ST6GALNAC3: variants seen among roughly 807,000 people sequenced by gnomAD.
ST6GALNAC3 encodes the protein alpha-N-acetylgalactosaminide alpha-2,6-sialyltransferase 3.
Under a neutral mutation model 32.7 loss-of-function variants are expected in ST6GALNAC3, and 25 were observed. The ratio of observed to expected loss-of-function variants is 0.76; its 90% CI spans 0.56 to 1.07. ST6GALNAC3 has a LOEUF of 1.07. Among genes scored for constraint, ST6GALNAC3 ranks in the 50% least tolerant of loss-of-function variants. The probability of loss-of-function intolerance (pLI) is 0.00; values close to 1 mark genes in which losing one functional copy is unlikely to be tolerated. For missense variants in ST6GALNAC3, 355 were observed against 382.4 expected (o/e 0.93, Z 0.60); for synonymous variants, 129 against 133.1 (o/e 0.97, Z 0.21).
rs563389196 is a variant in ST6GALNAC3, at chr1:76,213,532, G to A, written c.19-100273G>A. 4.6e-5 allele frequency among the ~76,000 whole-genome samples: 7 copies of A among 152,288 alleles called. No individual in the cohort carries two copies. The South Asian group carries it at 1.2e-3, about 27-fold the overall frequency. On this transcript the variant is annotated intron_variant, in intron 1 of 4. Transcript: ENST00000328299. ...CATTATGCTGAAAAATATTTGACCTGAAAGCAACAAATACTGCAATCAAAG... is the reference window on the plus strand; with the variant it reads ...CATTATGCTGAAAAATATTTGACCTAAAAGCAACAAATACTGCAATCAAAG...
At chr1:76,423,849 G>A (rs978530947) in intron 3 of ST6GALNAC3, among the ~76,000 whole-genome samples, 2 of 151,870 alleles carry the variant, frequency 1.3e-5, no homozygotes, top group African/African-American at 4.8e-5. Flanking sequence ...GAGAGAAGGG[G>A]ATATAGTTGG....
chr1:76,369,013 T>C (rs1650606443), intron 2 of ST6GALNAC3, among the ~76,000 whole-genome samples: 1 of 152,184 alleles, frequency 6.6e-6, no homozygotes, highest in African/African-American at 2.4e-5. Context: ...ATGCTGTCTA[T>C]GCTCCAATGC....
chr1:76,178,419 G>C (rs1170265170), intron 1 of ST6GALNAC3, among the ~76,000 whole-genome samples: 1 of 152,196 alleles, frequency 6.6e-6, no homozygotes, highest in Non-Finnish European at 1.5e-5. Flanking sequence ...ATGGTACAGA[G>C]AGAAAGGAAA....
intron 1 of ST6GALNAC3, among the ~76,000 whole-genome samples, chr1:76,229,877 C>G (rs1656273692): frequency 1.3e-5 from 2 of 152,120 alleles, no homozygotes; most frequent in South Asian, 4.1e-4. Flanking sequence ...CACATGGCGC[C>G]CAGTAGGGAG....
chr1:76,605,485 T>C (rs1647467194), intron 3 of ST6GALNAC3, among the ~76,000 whole-genome samples: 1 of 152,146 alleles, frequency 6.6e-6, no homozygotes, highest in South Asian at 2.1e-4. Flanking sequence ...TTTTGCAATC[T>C]TTCTATCTGA....
At chr1:76,557,375 GT>G (rs1664991040) in intron 3 of ST6GALNAC3, among the ~76,000 whole-genome samples, 1 of 151,880 alleles carries the variant, frequency 6.6e-6, no homozygotes, top group Non-Finnish European at 1.5e-5. Flanking sequence ...TTGAATTTCC[GT>G]GTGAATTTTA....
rs1649151760 is a variant in ST6GALNAC3 at position 76,628,933 on chromosome 1, A to G, written c.*127A>G. The G allele has an allele frequency of 1.3e-6, 2 of 1,497,490 alleles. No individual in the cohort carries two copies. 92.8% of individuals were successfully genotyped at this position (1,497,490 alleles called of 1,614,324 possible). On this transcript the variant is annotated 3_prime_UTR_variant, in exon 5 of 5. Coordinates refer to ENST00000328299, the MANE Select transcript of ST6GALNAC3 (RefSeq NM_152996.4). ...AACAATGATTATCAAGTTCCTGTACACTCTCAGATGTGGATGGTGACTCTG... is the reference window on the plus strand; with the variant it reads ...AACAATGATTATCAAGTTCCTGTACGCTCTCAGATGTGGATGGTGACTCTG...
chr1:76,370,745 A>C (rs191734857), intron 2 of ST6GALNAC3, among the ~76,000 whole-genome samples: 6 of 152,090 alleles, frequency 3.9e-5, no homozygotes, highest in African/African-American at 1.2e-4. Flanking sequence ...GCAGATTAGA[A>C]AATGTTTTTG....
chr1:76,489,933 C>T (rs1031506065), intron 3 of ST6GALNAC3, among the ~76,000 whole-genome samples: 1 of 152,148 alleles, frequency 6.6e-6, no homozygotes, highest in African/African-American at 2.4e-5. Flanking sequence ...GTGATTCTTC[C>T]CTAAGCCCCA....
At chr1:76,133,024 C>T (rs570933419) in intron 1 of ST6GALNAC3, among the ~76,000 whole-genome samples, 15 of 152,176 alleles carry the variant, frequency 9.9e-5, no homozygotes, top group East Asian at 9.7e-4. Context: ...CAGTTTGTCT[C>T]GGTCAGGTCC....
At chr1:76,340,025 G>T (rs1647827743) in intron 2 of ST6GALNAC3, among the ~76,000 whole-genome samples, 1 of 152,202 alleles carries the variant, frequency 6.6e-6, no homozygotes, top group African/African-American at 2.4e-5. Flanking sequence ...TTGATTCTGA[G>T]ATTCAAAGAG....
chr1:76,195,618 C>G (rs1414041580), intron 1 of ST6GALNAC3, among the ~76,000 whole-genome samples: 3 of 152,208 alleles, frequency 2.0e-5, no homozygotes, highest in African/African-American at 7.2e-5. Flanking sequence ...AGCAATTTTA[C>G]TGACCATTGC....
intron 1 of ST6GALNAC3, among the ~76,000 whole-genome samples, chr1:76,180,050 T>A (rs1486893856): frequency 6.6e-6 from 1 of 152,216 alleles, no homozygotes; most frequent in Non-Finnish European, 1.5e-5. Flanking sequence ...ATTTTATTGG[T>A]TTATTATTTA....
chr1:76,597,841 C>A (rs1262004386), intron 3 of ST6GALNAC3, among the ~76,000 whole-genome samples: 2 of 152,100 alleles, frequency 1.3e-5, no homozygotes, highest in Non-Finnish European at 2.9e-5. Context: ...TAATGTGATG[C>A]TTTCATCCAT....
intron 1 of ST6GALNAC3, among the ~76,000 whole-genome samples, chr1:76,246,900 T>C (rs1377417436): frequency 6.6e-6 from 1 of 152,226 alleles, no homozygotes; most frequent in African/African-American, 2.4e-5. Context: ...TTTTGGAATT[T>C]TCAGCATTTT....
intron 1 of ST6GALNAC3, among the ~76,000 whole-genome samples, chr1:76,107,178 C>T (rs1301112885): frequency 6.6e-6 from 1 of 151,794 alleles, no homozygotes. Context: ...AACTCAGCCC[C>T]TCTTTCCTGA....
At chr1:76,241,335 A>G (rs758714131) in intron 1 of ST6GALNAC3, among the ~76,000 whole-genome samples, 9 of 152,218 alleles carry the variant, frequency 5.9e-5, no homozygotes, top group Non-Finnish European at 1.2e-4. Context: ...GAGGCCCACA[A>G]ACTGCTTCCA....
At chr1:76,378,702 G>C (rs1038971669) in intron 2 of ST6GALNAC3, among the ~76,000 whole-genome samples, 1 of 151,662 alleles carries the variant, frequency 6.6e-6, no homozygotes. Context: ...TTTTTTTAGT[G>C]TTTTTGTACA....
chr1:76,327,206 T>C (rs1227444391), intron 2 of ST6GALNAC3, among the ~76,000 whole-genome samples: 6 of 152,116 alleles, frequency 3.9e-5, no homozygotes, highest in African/African-American at 1.4e-4. Context: ...ATTTCTTTTT[T>C]TTCATAGTGT....
Sources: allele counts gnomAD v4.1 joint callset (sites outside exome capture counted in the v4.1 genomes callset), GRCh38; gene constraint gnomAD v4.1.1; transcripts MANE v1.5; gene names NCBI Gene and HGNC (gene_info 2026-07-23, HGNC 2026-07-21).